The following KIAA1671 variants were observed in gnomAD, a reference collection of about 807,000 sequenced individuals.
KIAA1671 encodes the protein uncharacterized protein KIAA1671.
Under a neutral mutation model 131.2 loss-of-function variants are expected in KIAA1671, and 52 were observed. The ratio of observed to expected loss-of-function variants is 0.40; its 90% CI spans 0.32 to 0.50. KIAA1671 has a LOEUF of 0.50. KIAA1671 is among the 20% of genes least tolerant of loss of function. The pLI is 0.73. For missense variants in KIAA1671, 2,360 were observed against 2,364.2 expected (o/e 1.00, Z 0.04); for synonymous variants, 1,003 against 961.6 (o/e 1.04, Z -0.80).
chr22:25,114,575 C>G (rs1931559585), intron 6 of KIAA1671, among the ~76,000 whole-genome samples: 1 of 152,244 alleles, frequency 6.6e-6, no homozygotes, highest in Non-Finnish European at 1.5e-5. Flanking sequence ...GACTCCTTCC[C>G]TCTCTGTGCC....
intron 6 of KIAA1671, among the ~76,000 whole-genome samples, chr22:25,092,330 A>G (rs1930062904): frequency 6.6e-6 from 1 of 152,208 alleles, no homozygotes; most frequent in African/African-American, 2.4e-5. Context: ...AGGGAACAGC[A>G]CGTGCAAAGG....
chr22:25,170,299 G>A (rs1016533277), intron 6 of KIAA1671, among the ~76,000 whole-genome samples: 1 of 152,222 alleles, frequency 6.6e-6, no homozygotes, highest in Non-Finnish European at 1.5e-5. Flanking sequence ...TCGAGGGACT[G>A]TAGTTCAACC....
At chr22:25,109,137 T>G (rs908468560) in intron 6 of KIAA1671, among the ~76,000 whole-genome samples, 5 of 150,596 alleles carry the variant, frequency 3.3e-5, no homozygotes, top group African/African-American at 1.2e-4. Flanking sequence ...TTAGACGGAG[T>G]CTCACTCTGT....
chr22:25,005,604 C>G (rs961434521), intron 1 of KIAA1671, among the ~76,000 whole-genome samples: 1 of 152,162 alleles, frequency 6.6e-6, no homozygotes, highest in Non-Finnish European at 1.5e-5. Flanking sequence ...TTCATTAACC[C>G]AAGACCTCTA....
At chr22:24,958,057 C>G (rs969954656) in intron 1 of KIAA1671, among the ~76,000 whole-genome samples, 2 of 148,558 alleles carry the variant, frequency 1.3e-5, no homozygotes, top group Non-Finnish European at 3.0e-5. Context: ...GAAACTGAGG[C>G]TTCAAGAGGT....
chr22:25,140,494 G>A (rs1932791897), intron 6 of KIAA1671, among the ~76,000 whole-genome samples: 1 of 152,194 alleles, frequency 6.6e-6, no homozygotes, highest in South Asian at 2.1e-4. Context: ...TCAAGGCAGG[G>A]TCTTCTATAA....
intron 1 of KIAA1671, among the ~76,000 whole-genome samples, chr22:25,007,313 C>A (rs1238914711): frequency 1.3e-5 from 2 of 151,936 alleles, no homozygotes; most frequent in Non-Finnish European, 2.9e-5. Flanking sequence ...TGGTGAAACC[C>A]CCTCTCTACT....
chr22:24,975,723 A>G (rs1021388717), intron 1 of KIAA1671, among the ~76,000 whole-genome samples: 2 of 152,210 alleles, frequency 1.3e-5, no homozygotes, highest in African/African-American at 4.8e-5. Flanking sequence ...TCAGACAGGC[A>G]GTATTGATCT....
chr22:25,040,549 C>T lies in KIAA1671; in HGVS notation c.3419C>T (p.Pro1140Leu). The T allele has an allele frequency of 1.9e-6, 3 of 1,551,778 alleles. No individual in the cohort carries two copies. Among genetic ancestry groups the T allele is most frequent in the African/African-American group, 1.4e-5 (1 of 73,148 alleles). ...AGTCATCGGGGATCAGAAGATGGCC[C>T]TCGTCCTCAAAGCAATTGGAAGGAA... ...LWSHRGSEDG[P>L]RPQSNWKESA... The change falls in exon 5 of 13, where the codon CCT becomes CTT. Residue 1140 changes from proline to leucine, a missense_variant. This residue lies in a region of KIAA1671 where 1,161 missense variants were observed against 1,204.7 expected (regional missense o/e 0.96). Transcript: ENST00000358431.
chr22:25,154,403 G>T (rs1933155656), intron 6 of KIAA1671, among the ~76,000 whole-genome samples: 1 of 152,228 alleles, frequency 6.6e-6, no homozygotes, highest in South Asian at 2.1e-4. Flanking sequence ...AGGAACCACT[G>T]CAGGAGCTCG....
chr22:25,008,530 G>A (rs1315415163), intron 1 of KIAA1671, among the ~76,000 whole-genome samples: 5 of 152,104 alleles, frequency 3.3e-5, no homozygotes, highest in African/African-American at 9.7e-5. Flanking sequence ...TTGATGCTTC[G>A]AGGATATATA....
At chr22:25,176,745 G>T (rs74527060) in intron 8 of KIAA1671, 2 of 152,042 alleles carry the variant, frequency 1.3e-5, no homozygotes, top group African/African-American at 4.8e-5. Context: ...CCTTTCACTG[G>T]GGGGGCCCTC....
At chr22:25,110,546 G>T (rs1021061825) in intron 6 of KIAA1671, among the ~76,000 whole-genome samples, 4 of 152,114 alleles carry the variant, frequency 2.6e-5, no homozygotes, top group African/African-American at 9.7e-5. Context: ...AAAGTAGTGG[G>T]GTTGGGGGGA....
At chr22:25,120,723 CT>C (rs1568967033) in intron 6 of KIAA1671, among the ~76,000 whole-genome samples, 1 of 152,212 alleles carries the variant, frequency 6.6e-6, no homozygotes, top group African/African-American at 2.4e-5. Flanking sequence ...TTTTTCCCCC[CT>C]CTTCCAAACA....
chr22:25,018,481 G>T (rs1442611891), intron 1 of KIAA1671, among the ~76,000 whole-genome samples: 1 of 151,250 alleles, frequency 6.6e-6, no homozygotes, highest in Admixed American at 6.6e-5. Context: ...CATTCACATT[G>T]TTGTGTGACC....
intron 10 of KIAA1671, among the ~76,000 whole-genome samples, chr22:25,182,219 C>T (rs1232721053): frequency 1.3e-5 from 2 of 150,404 alleles, no homozygotes; most frequent in Admixed American, 6.6e-5. Context: ...TCCTTCCGTC[C>T]TTCCTTCCTT....
intron 6 of KIAA1671, among the ~76,000 whole-genome samples, chr22:25,159,112 G>A (rs1224012342): frequency 2.6e-5 from 4 of 152,072 alleles, no homozygotes; most frequent in African/African-American, 7.2e-5. Flanking sequence ...CAGGAGCCTG[G>A]GCCTCCCAGC....
At position 25,085,515 on chromosome 22, in the gene KIAA1671, C is replaced by CG. The variant is rs201401271; in HGVS notation, c.4530+36151_4530+36152insG. 2.5e-3 allele frequency among the ~76,000 whole-genome samples: 385 copies of CG among 151,816 alleles called. 1 individual carries two copies. Among genetic ancestry groups the CG allele is most frequent in the Non-Finnish European group, 3.5e-3 (238 of 67,858 alleles). On this transcript the variant is annotated intron_variant, in intron 6 of 12. Coordinates refer to ENST00000358431, the MANE Select transcript of KIAA1671 (RefSeq NM_001145206.2). ...GTGCTGAGGGGCCCCCACCTCCCCC[C>CG]CCATAACCCCCTGTCCGTCCTGCGG... is the stretch of plus-strand genomic sequence containing the variant.
Position 25,039,838 on chromosome 22 carries a change from C to A in KIAA1671, c.2708C>A (p.Pro903Gln), listed in dbSNP as rs1926814431. ...GPSDSQARTH[P>Q]DAFAVQKGPF... ...TCTGACTCCCAAGCACGAACACATC[C>A]AGATGCATTTGCTGTGCAGAAAGGG... is the stretch of plus-strand genomic sequence containing the variant. Residue 903 changes from proline to glutamine, a missense_variant, in exon 5 of 13, where the codon CCA (proline) becomes CAA (glutamine). By Grantham distance (76) the Pro-to-Gln change is moderately conservative (BLOSUM62 -1). This residue lies in a region of KIAA1671 where 1,161 missense variants were observed against 1,204.7 expected (regional missense o/e 0.96). Transcript: ENST00000358431. 1 of 1,547,812 alleles carries A rather than the reference C, an allele frequency of 6.5e-7. No homozygotes were observed. Among genetic ancestry groups the A allele is most frequent in the African/African-American group, 1.4e-5 (1 of 72,978 alleles).
Sources: gnomAD v4.1 joint callset for allele counts (sites outside exome capture counted in the v4.1 genomes callset) on GRCh38, gnomAD v4.1.1 for gene constraint, gnomAD v4.1.1 regional missense constraint, MANE v1.5 for transcripts, NCBI Gene and HGNC (gene_info 2026-07-23, HGNC 2026-07-21) for gene names.